Variants in PRKG1 observed in about 807,000 individuals in gnomAD.
The protein encoded by PRKG1 is cGMP-dependent protein kinase 1.
In PRKG1, 35 loss-of-function variants were observed where a neutral mutation model predicts 88.1. The observed-to-expected ratio is 0.40, with a 90% CI of 0.30 to 0.53. The LOEUF is 0.53. Ranked by LOEUF, PRKG1 falls within the 20% of genes least tolerant of loss-of-function variation. PRKG1 has a pLI of 0.59. For synonymous variants in PRKG1, 303 were observed against 292.5 expected, an observed-to-expected ratio of 1.04 and a Z score of -0.37; for missense variants, 540 against 839.8, an observed-to-expected ratio of 0.64 and a Z score of 4.41.
intron 4 of PRKG1, among the ~76,000 whole-genome samples, chr10:51,905,377 G>A (rs192287338): frequency 4.6e-5 from 7 of 152,224 alleles, no homozygotes; most frequent in African/African-American, 1.4e-4. Flanking sequence ...ACAACAAAAT[G>A]TTCATGCTTT....
At chr10:51,958,033 T>C (rs184589916) in intron 5 of PRKG1, among the ~76,000 whole-genome samples, 6 of 152,306 alleles carry the variant, frequency 3.9e-5, no homozygotes, top group African/African-American at 1.4e-4. Context: ...CTTAGATTTT[T>C]TTTAATATAA....
At chr10:51,471,378 C>T (rs965805369) in intron 3 of PRKG1, among the ~76,000 whole-genome samples, 8 of 151,800 alleles carry the variant, frequency 5.3e-5, no homozygotes, top group Non-Finnish European at 7.4e-5. Flanking sequence ...TTTTGCCATC[C>T]GTTTTCAACC....
chr10:51,069,057 A>G (rs1342127138), intron 1 of PRKG1, among the ~76,000 whole-genome samples: 1 of 151,920 alleles, frequency 6.6e-6, no homozygotes, highest in Admixed American at 6.6e-5. Flanking sequence ...TTTTCATGAG[A>G]ACTAGTTTAG....
chr10:52,148,711 G>A (rs772816609), intron 8 of PRKG1, among the ~76,000 whole-genome samples: 50 of 152,224 alleles, frequency 3.3e-4, no homozygotes, highest in Admixed American at 6.5e-4. Flanking sequence ...ACTGCAACCA[G>A]GGAAGAAGGC....
chr10:51,202,431 T>TTC (rs1837934808), intron 2 of PRKG1, among the ~76,000 whole-genome samples: 1 of 152,180 alleles, frequency 6.6e-6, no homozygotes. Context: ...TATCCTGCTT[T>TTC]TCTCACTCCC....
intron 2 of PRKG1, among the ~76,000 whole-genome samples, chr10:51,259,378 A>G (rs535823544): frequency 6.6e-6 from 1 of 152,324 alleles, no homozygotes; most frequent in South Asian, 2.1e-4. Context: ...TGTCCTTACC[A>G]TGTGCTGAGA....
intron 3 of PRKG1, among the ~76,000 whole-genome samples, chr10:51,610,645 T>G (rs528203531): frequency 5.3e-4 from 80 of 152,228 alleles, no homozygotes; most frequent in African/African-American, 1.9e-3. Flanking sequence ...CCATCAATGA[T>G]AGACTGGATA....
chr10:51,273,251 C>CT (rs1589300275), intron 2 of PRKG1, among the ~76,000 whole-genome samples: 1 of 151,434 alleles, frequency 6.6e-6, no homozygotes, highest in African/African-American at 2.4e-5. Context: ...TGGCTCATAC[C>CT]TGTAAACCCA....
intron 2 of PRKG1, among the ~76,000 whole-genome samples, chr10:51,395,526 T>C (rs1013274069): frequency 6.6e-6 from 1 of 151,308 alleles, no homozygotes; most frequent in African/African-American, 2.4e-5. Context: ...GTCTCTTTAG[T>C]AGGAACTCTG....
At chr10:51,757,616 G>A (rs559499922) in intron 3 of PRKG1, among the ~76,000 whole-genome samples, 2 of 151,996 alleles carry the variant, frequency 1.3e-5, no homozygotes, top group Non-Finnish European at 2.9e-5. Context: ...GCCACAAGTG[G>A]TTACTGAGCA....
chr10:51,685,760 C>CCT (rs1840972187), intron 3 of PRKG1, among the ~76,000 whole-genome samples: 2 of 152,262 alleles, frequency 1.3e-5, no homozygotes, highest in African/African-American at 4.8e-5. Context: ...GGAGACAGCT[C>CCT]CTCCTGCTTG....
chr10:51,295,652 TC>T (rs1840701598), intron 2 of PRKG1, among the ~76,000 whole-genome samples: 1 of 152,006 alleles, frequency 6.6e-6, no homozygotes, highest in African/African-American at 2.4e-5. Context: ...CCTCTTCTTT[TC>T]TTTTCTTTTC....
In PRKG1 at chr10:50,991,283, G is replaced by T; in HGVS notation, c.-96G>T. On this transcript the variant is annotated 5_prime_UTR_variant, in exon 1 of 18. Transcript: ENST00000401604. This position sits in a 1 kb window ranked among gnomAD's most constrained non-coding sequence, Gnocchi z 4.5. ...TTAGCGCCCATTCACTCGCTCACCC[G>T]CGCTCTCCGCTGCCGGCTGCCGTCC... is the stretch of plus-strand genomic sequence containing the variant. 1 of 1,448,178 alleles carries T rather than the reference G, an allele frequency of 6.9e-7. No homozygotes were observed. The highest frequency in any genetic ancestry group is 1.5e-5 in the African/African-American group (1 of 65,366). 89.7% of individuals were successfully genotyped at this position (1,448,178 alleles called of 1,614,324 possible).
rs556587768 is a variant in PRKG1, at chr10:51,645,302, T to C, written c.593-159283T>C. On this transcript the variant is annotated intron_variant, in intron 3 of 17. Coordinates refer to ENST00000373980, the MANE Select transcript of PRKG1 (RefSeq NM_006258.4). Reference sequence around the variant, plus strand: ...AGCGTACATTTCACAAGAGTGTTCATTGGCACAGATGAAATTAGAAGACAG... The same window carrying C: ...AGCGTACATTTCACAAGAGTGTTCACTGGCACAGATGAAATTAGAAGACAG... 3.9e-5 allele frequency among the ~76,000 whole-genome samples: 6 copies of C among 152,338 alleles called. No homozygotes were observed. The East Asian group carries it at 7.7e-4, about 20-fold the overall frequency.
chr10:52,171,785 A>T (rs945209919), intron 9 of PRKG1, among the ~76,000 whole-genome samples: 3 of 122,638 alleles, frequency 2.4e-5, no homozygotes, highest in African/African-American at 1.1e-4. Flanking sequence ...CTTTTATCAA[A>T]ATTTTTTTTT....
chr10:51,417,715 T>C (rs929946592), intron 2 of PRKG1, among the ~76,000 whole-genome samples: 1 of 152,180 alleles, frequency 6.6e-6, no homozygotes, highest in Non-Finnish European at 1.5e-5. Flanking sequence ...ATTTTTGGTA[T>C]GTGATTGTCT....
Position 50,991,337 on chromosome 10 carries a change from C to CGCT in PRKG1, c.-40_-39insTGC, listed in dbSNP as rs779866456. ...CCGCCGCCGCCGCCGCCGCCGCCGC[C>CGCT]GCCGCCCGAGAAAAAGTTTCGCGGA... On this transcript the variant is annotated 5_prime_UTR_variant, in exon 1 of 18. Transcript: ENST00000401604. The surrounding 1 kb of genome is among the most constrained non-coding windows in gnomAD (Gnocchi z 4.5). 2.8e-6 allele frequency: 4 copies of CGCT among 1,440,140 alleles called. No individual in the cohort carries two copies. In the East Asian group the frequency reaches 8.5e-5, roughly 31 times the overall value. The allele number at this position is 1,440,140 out of a possible 1,614,324, so 89.2% of individuals were successfully genotyped here.
chr10:51,914,533 G>T (rs766132841), intron 5 of PRKG1, among the ~76,000 whole-genome samples: 3 of 152,170 alleles, frequency 2.0e-5, no homozygotes, highest in Non-Finnish European at 2.9e-5. Flanking sequence ...GTGGGGCATG[G>T]ATGCTATGTT....
chr10:52,170,439 CA>C (rs1412139142), intron 9 of PRKG1, among the ~76,000 whole-genome samples: 1 of 152,032 alleles, frequency 6.6e-6, no homozygotes, highest in African/African-American at 2.4e-5. Flanking sequence ...GGCTAGTATG[CA>C]AAACAGGACC....
Sources: allele counts gnomAD v4.1 joint callset (sites outside exome capture counted in the v4.1 genomes callset), GRCh38; gene constraint gnomAD v4.1.1; non-coding constraint Gnocchi (gnomAD v3.1); transcripts MANE v1.5; gene names NCBI Gene and HGNC (gene_info 2026-07-23, HGNC 2026-07-21).